LRRC49: variants seen among roughly 807,000 people sequenced by gnomAD.
LRRC49 encodes the protein leucine rich repeat containing 49.
LRRC49 carries 50 observed loss-of-function variants against 83.3 expected under a neutral mutation model. The observed-to-expected ratio is 0.60, with a 90% CI of 0.48 to 0.76. The LOEUF (loss-of-function observed/expected upper bound fraction) is 0.76, where lower values mean the gene tolerates loss of function less well. Ranked by LOEUF, LRRC49 falls within the 30% of genes least tolerant of loss-of-function variation. LRRC49 has a pLI of 0.00. For missense variants in LRRC49, 704 were observed against 809.1 expected, an observed-to-expected ratio of 0.87 and a Z score of 1.58; for synonymous variants, 286 against 283.3, an observed-to-expected ratio of 1.01 and a Z score of -0.10.
chr15:70,977,349 A>T (rs1483706563), intron 9 of LRRC49, among the ~76,000 whole-genome samples: 2 of 152,212 alleles, frequency 1.3e-5, no homozygotes, highest in African/African-American at 4.8e-5. Flanking sequence ...AAAGTTAAGA[A>T]TAATTATTTT....
chr15:70,958,890 T>C (rs536906889), intron 8 of LRRC49, among the ~76,000 whole-genome samples: 27 of 152,302 alleles, frequency 1.8e-4, no homozygotes, highest in African/African-American at 7.2e-5. Flanking sequence ...TATTTAAATA[T>C]GACAATAAAA....
At chr15:70,859,870 C>T (rs988784012) in intron 1 of LRRC49, 1 of 769,352 alleles carries the variant, frequency 1.3e-6, no homozygotes, top group African/African-American at 1.7e-5. Flanking sequence ...CCTTGGGCAT[C>T]AAAACTGCCA....
intron 2 of LRRC49, among the ~76,000 whole-genome samples, chr15:70,879,101 C>T (rs1470260601): frequency 6.6e-6 from 1 of 152,220 alleles, no homozygotes; most frequent in Admixed American, 6.5e-5. Flanking sequence ...ATTATAATTA[C>T]AAATTCAATT....
intron 8 of LRRC49, among the ~76,000 whole-genome samples, chr15:70,942,814 G>A (rs1333530380): frequency 1.3e-5 from 2 of 152,044 alleles, no homozygotes; most frequent in Non-Finnish European, 2.9e-5. Flanking sequence ...CGAAGTGGGG[G>A]GAGAAAAACA....
At chr15:70,971,134 T>C (rs1252643862) in intron 9 of LRRC49, among the ~76,000 whole-genome samples, 1 of 152,240 alleles carries the variant, frequency 6.6e-6, no homozygotes, top group African/African-American at 2.4e-5. Flanking sequence ...ACTATAAATT[T>C]CCCTCTAAAC....
intron 12 of LRRC49, 21 bp downstream of exon 12, chr15:71,008,637 G>C (rs928208434): frequency 6.5e-7 from 1 of 1,544,906 alleles, no homozygotes; most frequent in South Asian, 1.1e-5. Context: ...CCTTTTAGTA[G>C]TATATTTGAA....
chr15:71,011,977 T>C (rs1301647948), intron 13 of LRRC49, among the ~76,000 whole-genome samples: 1 of 152,084 alleles, frequency 6.6e-6, no homozygotes, highest in Admixed American at 6.6e-5. Flanking sequence ...GTGGGGGCTG[T>C]CCTCTGCATT....
chr15:70,951,143 G>A (rs555175450), intron 8 of LRRC49, among the ~76,000 whole-genome samples: 79 of 152,232 alleles, frequency 5.2e-4, no homozygotes, highest in African/African-American at 1.7e-3. Flanking sequence ...CCAGTACCAT[G>A]CTGTTTCAGT....
At chr15:71,013,438 G>GTT (rs2038724533) in intron 14 of LRRC49, among the ~76,000 whole-genome samples, 1 of 152,216 alleles carries the variant, frequency 6.6e-6, no homozygotes, top group Admixed American at 6.5e-5. Flanking sequence ...GAAAACTTGT[G>GTT]TTTTGTAATG....
intron 8 of LRRC49, among the ~76,000 whole-genome samples, chr15:70,944,190 C>T (rs1167470423): frequency 6.6e-6 from 1 of 152,076 alleles, no homozygotes; most frequent in African/African-American, 2.4e-5. Flanking sequence ...ATAGAAGCTG[C>T]TTACATAACT....
chr15:70,898,804 G>A (rs1321810010), intron 3 of LRRC49, among the ~76,000 whole-genome samples: 1 of 151,872 alleles, frequency 6.6e-6, no homozygotes, highest in African/African-American at 2.4e-5. Flanking sequence ...GAAAGAAAAA[G>A]GAAATAAACA....
At chr15:70,942,033 A>ATGTGTGTGTGTGTG (rs34818331) in intron 8 of LRRC49, among the ~76,000 whole-genome samples, 11 of 144,188 alleles carry the variant, frequency 7.6e-5, no homozygotes, top group African/African-American at 2.6e-4. Context: ...TGTAAAGGTT[A>ATGTGTGTGTGTGTG]TGTGTGTGTG....
chr15:70,913,146 A>T (rs1307285115), intron 6 of LRRC49, among the ~76,000 whole-genome samples: 1 of 152,224 alleles, frequency 6.6e-6, no homozygotes, highest in Non-Finnish European at 1.5e-5. Context: ...TTCTGCAGTG[A>T]TAAGCCTACA....
intron 7 of LRRC49, among the ~76,000 whole-genome samples, chr15:70,929,660 C>T (rs1000405981): frequency 6.6e-6 from 1 of 152,216 alleles, no homozygotes; most frequent in Non-Finnish European, 1.5e-5. Flanking sequence ...TACAGTAAGA[C>T]TTCTTTCAGA....
At chr15:70,993,380 C>T (rs1240648688) in intron 11 of LRRC49, among the ~76,000 whole-genome samples, 1 of 152,174 alleles carries the variant, frequency 6.6e-6, no homozygotes, top group Non-Finnish European at 1.5e-5. Flanking sequence ...GTGGGCTGCA[C>T]TCACTGTCCT....
At chr15:70,878,334 G>A (rs988977363) in intron 2 of LRRC49, among the ~76,000 whole-genome samples, 2 of 152,020 alleles carry the variant, frequency 1.3e-5, no homozygotes, top group Non-Finnish European at 1.5e-5. Context: ...TTTCTTAGGA[G>A]GTTCTACGTA....
rs1385085602 is a variant in LRRC49, at chr15:71,051,462, G to A, written c.*1850G>A. The A allele has an allele frequency of 1.3e-5, 2 of 152,052 alleles. No individual in the cohort carries two copies. The highest frequency in any genetic ancestry group is 4.8e-5 in the African/African-American group (2 of 41,374). The allele number at this position is 152,052 out of a possible 1,614,324, so 9.4% of individuals were successfully genotyped here. On this transcript the variant is annotated 3_prime_UTR_variant, in exon 16 of 16. Transcript: ENST00000260382. ...GGCTAGTAAACACTTATCTCTCCTG[G>A]GCTTATATCTTGTTTGGTATAGAAA...
chr15:70,989,905 C>T (rs2037793546), intron 11 of LRRC49, among the ~76,000 whole-genome samples: 1 of 152,186 alleles, frequency 6.6e-6, no homozygotes, highest in African/African-American at 2.4e-5. Context: ...ACTCCAGACC[C>T]TGTTTGCCTG....
chr15:70,953,654 A>G (rs529037133), intron 8 of LRRC49, among the ~76,000 whole-genome samples: 1 of 152,112 alleles, frequency 6.6e-6, no homozygotes, highest in East Asian at 1.9e-4. Flanking sequence ...TTGAATTTGT[A>G]TATCACCCTC....
Sources: allele counts gnomAD v4.1 joint callset (sites outside exome capture counted in the v4.1 genomes callset), GRCh38; gene constraint gnomAD v4.1.1; transcripts MANE v1.5; gene names NCBI Gene and HGNC (gene_info 2026-07-23, HGNC 2026-07-21).